ACOX3: variants seen among roughly 807,000 people sequenced by gnomAD.
ACOX3 encodes peroxisomal acyl-coenzyme A oxidase 3.
In ACOX3, 73 loss-of-function variants were observed where a neutral mutation model predicts 81.5. The observed-to-expected ratio is 0.90, with a 90% CI of 0.74 to 1.09. The LOEUF is 1.09. ACOX3 is among the 50% of genes least tolerant of loss of function. ACOX3 has a pLI of 0.00. For synonymous variants in ACOX3, 387 were observed against 375.1 expected (o/e 1.03, Z -0.37); for missense variants, 947 against 928.0 (o/e 1.02, Z -0.27).
At position 8,413,299 on chromosome 4, in the gene ACOX3, G is replaced by A. The variant is rs112992444; in HGVS notation, c.543+993C>T. ...GACAGCCCCAGGGCATCCGTGTCCC[G>A]TCTCACTGCACCCCTGCGCCCCTCC... On this transcript the variant is annotated intron_variant, in intron 5 of 17. Transcript: ENST00000356406. Among the ~76,000 whole-genome samples the A allele has an allele frequency of 9.0e-3, 818 of 90,886 alleles. 4 individuals are homozygous for A. The highest frequency in any genetic ancestry group is 0.032 in the South Asian group (80 of 2,526). The allele number at this position is 90,886 out of a possible 152,430, so 59.6% of individuals were successfully genotyped here.
intron 11 of ACOX3, among the ~76,000 whole-genome samples, chr4:8,391,531 G>A (rs573471307): frequency 2.0e-5 from 3 of 152,288 alleles, no homozygotes; most frequent in Non-Finnish European, 2.9e-5. Context: ...ATTAGCACAC[G>A]GGAAGTTTTG....
In ACOX3 at chr4:8,406,689, T is replaced by TGAGGCAGAGAGAGAGAGAG. The variant is rs1721002986; in HGVS notation, c.688-665_688-647dup. Among the ~76,000 whole-genome samples the TGAGGCAGAGAGAGAGAGAG allele has an allele frequency of 6.6e-6, 1 of 151,746 alleles. No individual in the cohort carries two copies. Among genetic ancestry groups the TGAGGCAGAGAGAGAGAGAG allele is most frequent in the African/African-American group, 2.4e-5 (1 of 41,260 alleles). On this transcript the variant is annotated intron_variant, in intron 6 of 17. Transcript: ENST00000356406. This position sits in a 1 kb window ranked among gnomAD's most constrained non-coding sequence, Gnocchi z 5.6. ...AGGGGGCCCTTCCCTGCCTGGCAGCTGAGGCAGAGAGAGAGAGAGGAGACA... is the reference window on the plus strand; with the variant it reads ...AGGGGGCCCTTCCCTGCCTGGCAGCTGAGGCAGAGAGAGAGAGAGGAGGCAGAGAGAGAGAGAGGAGACA...
rs1050535702 is a variant in ACOX3, at chr4:8,423,875, C to A, written c.-14-7340G>T. Among the ~76,000 whole-genome samples the A allele has an allele frequency of 3.9e-5, 6 of 152,320 alleles. No homozygotes were observed. Among genetic ancestry groups the A allele is most frequent in the Non-Finnish European group, 8.8e-5 (6 of 68,034 alleles). ...CCCCATCTATTTGGCCAGGCATTAG[C>A]CCGAGACTTGAGCCAGTTCTCATAC... is the stretch of plus-strand genomic sequence containing the variant. On this transcript the variant is annotated intron_variant, in intron 1 of 17. Transcript: ENST00000356406. The surrounding 1 kb of genome is among the most constrained non-coding windows in gnomAD (Gnocchi z 4.2).
chr4:8,399,737 G>T lies in ACOX3; in HGVS notation c.777-85C>A. 1 of 1,232,620 alleles carries T rather than the reference G, an allele frequency of 8.1e-7. No homozygotes were observed. The highest frequency in any genetic ancestry group is 1.2e-6 in the Non-Finnish European group (1 of 847,564). The allele number at this position is 1,232,620 out of a possible 1,614,324, so 76.4% of individuals were successfully genotyped here. A position where few individuals can be genotyped will look rare whatever the true frequency, so the allele number is the denominator to read the frequency against. ...CTCCAAGGGCAGCCTAAAAGCTGAT[G>T]CAATCCCCGAGGACAAAGAAAATGG... On this transcript the variant is annotated intron_variant, in intron 7 of 17. Coordinates refer to ENST00000356406, the MANE Select transcript of ACOX3 (RefSeq NM_003501.3). This position sits in a 1 kb window ranked among gnomAD's most constrained non-coding sequence, Gnocchi z 4.9.
At chr4:8,397,998 TAAAAGTACGCA>T (rs1719913880) in intron 8 of ACOX3, among the ~76,000 whole-genome samples, 1 of 152,176 alleles carries the variant, frequency 6.6e-6, no homozygotes, top group Non-Finnish European at 1.5e-5. Context: ...CCGTCTCTAC[TAAAAGTACGCA>T]AATTAGCCAG....
At chr4:8,411,026 C>A (rs891398056) in intron 5 of ACOX3, among the ~76,000 whole-genome samples, 7 of 152,246 alleles carry the variant, frequency 4.6e-5, no homozygotes, top group Non-Finnish European at 1.0e-4. Flanking sequence ...CACGTGGGAA[C>A]AGGCAGGAGC....
chr4:8,414,525 T>A lies in ACOX3; in HGVS notation c.454-144A>T. On this transcript the variant is annotated intron_variant, in intron 4 of 17. Coordinates refer to ENST00000356406, the MANE Select transcript of ACOX3 (RefSeq NM_003501.3). The surrounding 1 kb of genome is among the most constrained non-coding windows in gnomAD (Gnocchi z 6.1). ...CCATCTACCCAACTAGTGACTTGACTGAGTCATGCTGCCACACTCAGCTGG... is the reference window on the plus strand; with the variant it reads ...CCATCTACCCAACTAGTGACTTGACAGAGTCATGCTGCCACACTCAGCTGG... 1 of 785,340 alleles carries A rather than the reference T, an allele frequency of 1.3e-6. No homozygotes were observed. The highest frequency in any genetic ancestry group is 2.1e-6 in the Non-Finnish European group (1 of 473,308). The allele number at this position is 785,340 out of a possible 1,614,324, so 48.6% of individuals were successfully genotyped here.
Position 8,414,821 on chromosome 4 carries a change from C to A in ACOX3, c.453+33G>T. ...CTCTACAGAGATCAAGCAAGAGAAC[C>A]AGGCTCACAATTTACCATGAACCAG... On this transcript the variant is annotated intron_variant, in intron 4 of 17. Coordinates refer to ENST00000356406, the MANE Select transcript of ACOX3 (RefSeq NM_003501.3). The surrounding 1 kb of genome is among the most constrained non-coding windows in gnomAD (Gnocchi z 6.1). The A allele has an allele frequency of 1.3e-6, 2 of 1,597,590 alleles. No homozygotes were observed. The highest frequency in any genetic ancestry group is 2.2e-5 in the South Asian group (2 of 90,734).
downstream of ACOX3, among the ~76,000 whole-genome samples, chr4:8,363,191 G>A (rs528363584): frequency 2.0e-5 from 3 of 152,204 alleles, no homozygotes; most frequent in Non-Finnish European, 4.4e-5. Flanking sequence ...GGGCACATTA[G>A]AATCAGCTAA....
chr4:8,413,948 C>A (rs1408311266), intron 5 of ACOX3, among the ~76,000 whole-genome samples: 1 of 152,218 alleles, frequency 6.6e-6, no homozygotes, highest in Non-Finnish European at 1.5e-5. Flanking sequence ...AAACCACGGG[C>A]CATGAGAACG....
At position 8,430,274 on chromosome 4, in the gene ACOX3, T is replaced by C. The variant is rs886260859; in HGVS notation, c.-15+10374A>G. 6.6e-6 allele frequency among the ~76,000 whole-genome samples: 1 copy of C among 152,244 alleles called. No homozygotes were observed. The highest frequency in any genetic ancestry group is 1.5e-5 in the Non-Finnish European group (1 of 68,044). ...ATCATTTCGGGCCTGGCAGGTACCC[T>C]GCTAAGCAGTCGGAAGTGATCCTTA... On this transcript the variant is annotated intron_variant, in intron 1 of 17. Coordinates refer to ENST00000356406, the MANE Select transcript of ACOX3 (RefSeq NM_003501.3). This position sits in a 1 kb window ranked among gnomAD's most constrained non-coding sequence, Gnocchi z 5.2.
chr4:8,421,497 G>C (rs899725439), intron 1 of ACOX3, among the ~76,000 whole-genome samples: 1 of 152,198 alleles, frequency 6.6e-6, no homozygotes, highest in Non-Finnish European at 1.5e-5. Context: ...TTGCCCATGC[G>C]TGCACCCCTA....
intron 7 of ACOX3, among the ~76,000 whole-genome samples, chr4:8,403,411 C>T (rs900908349): frequency 2.0e-5 from 3 of 152,150 alleles, no homozygotes; most frequent in African/African-American, 4.8e-5. Flanking sequence ...TGGAAAGGGG[C>T]GGAGAGCAGG....
intron 14 of ACOX3, among the ~76,000 whole-genome samples, chr4:8,377,851 A>G (rs1717163004): frequency 6.6e-6 from 1 of 152,194 alleles, no homozygotes; most frequent in Admixed American, 6.5e-5. Context: ...CCCCACGGAC[A>G]AAGTGTCCCC....
chr4:8,397,273 C>T (rs180951183), intron 8 of ACOX3, among the ~76,000 whole-genome samples, 154 bp from the exon 9 acceptor site: 35 of 152,320 alleles, frequency 2.3e-4, no homozygotes, highest in Non-Finnish European at 2.8e-4. Flanking sequence ...AGACACAGGA[C>T]GGTGCGGCAG....
In ACOX3 at chr4:8,381,508, G is replaced by A. The variant is rs781114609; in HGVS notation, c.1637C>T (p.Ala546Val). 1.2e-6 allele frequency: 2 copies of A among 1,613,474 alleles called. No individual in the cohort carries two copies. Among genetic ancestry groups the A allele is most frequent in the South Asian group, 1.1e-5 (1 of 90,994 alleles). ...AATACTTACCTGGCATTTGTTCCTT[G>A]CTTCAAAGTCACTGCTTCCTGATCT... Reference protein sequence around the residue: ...EKRSGSSDFEARNKCQVSHGR... With the variant: ...EKRSGSSDFEVRNKCQVSHGR... The change falls in exon 14 of 18, where the codon GCA (alanine) becomes GTA (valine). Residue 546 changes from alanine (A) to valine (V), a missense_variant. Physicochemically the swap from Ala to Val is moderately conservative, Grantham distance 64. Transcript: ENST00000356406. The surrounding 1 kb of genome is among the most constrained non-coding windows in gnomAD (Gnocchi z 4.3).
chr4:8,427,716 T>G (rs1723636689), intron 1 of ACOX3, among the ~76,000 whole-genome samples: 1 of 152,208 alleles, frequency 6.6e-6, no homozygotes, highest in South Asian at 2.1e-4. Context: ...GCAAGAGCCT[T>G]GCTGCCATTG....
intron 13 of ACOX3, among the ~76,000 whole-genome samples, chr4:8,387,056 CA>C (rs1718400328): frequency 6.6e-6 from 1 of 152,250 alleles, no homozygotes; most frequent in African/African-American, 2.4e-5. Flanking sequence ...CTCCTGAATG[CA>C]AAGCCAAGAG....
At chr4:8,376,563 A>G (rs1206424648) in intron 14 of ACOX3, among the ~76,000 whole-genome samples, 1 of 152,148 alleles carries the variant, frequency 6.6e-6, no homozygotes, top group East Asian at 1.9e-4. Flanking sequence ...TCGGGAAAAC[A>G]GAAACCGGGA....
Sources: allele counts gnomAD v4.1 joint callset (sites outside exome capture counted in the v4.1 genomes callset), GRCh38; gene constraint gnomAD v4.1.1; non-coding constraint Gnocchi (gnomAD v3.1); transcripts MANE v1.5; gene names NCBI Gene and HGNC (gene_info 2026-07-23, HGNC 2026-07-21).